Variants in DPP10 observed in about 807,000 individuals in gnomAD.
DPP10 encodes dipeptidyl peptidase like 10.
DPP10 carries 33 observed loss-of-function variants against 120.9 expected under a neutral mutation model. That is an observed-to-expected ratio of 0.27 (90% CI 0.21 to 0.37). The LOEUF (loss-of-function observed/expected upper bound fraction) is 0.37, where lower values mean the gene tolerates loss of function less well. Among genes scored for constraint, DPP10 ranks in the 10% least tolerant of loss-of-function variants. The pLI is 1.00. For synonymous variants in DPP10, 337 were observed against 326.1 expected (o/e 1.03, Z -0.36); for missense variants, 816 against 942.8 (o/e 0.87, Z 1.76).
intron 5 of DPP10, among the ~76,000 whole-genome samples, chr2:115,556,137 A>C (rs1387420688): frequency 1.3e-5 from 2 of 152,140 alleles, no homozygotes; most frequent in East Asian, 3.9e-4. Context: ...TTTTCTTTCT[A>C]ATGCTTTTTA....
intron 1 of DPP10, among the ~76,000 whole-genome samples, chr2:114,884,196 G>A (rs1691870600): frequency 6.6e-6 from 1 of 152,050 alleles, no homozygotes; most frequent in South Asian, 2.1e-4. Context: ...AAGGAAAAAG[G>A]GCCTCTACTG....
rs1677780037 is a variant in DPP10, at chr2:114,739,238, C to T, written c.60+296400C>T. Among the ~76,000 whole-genome samples, 4 of 152,266 alleles carry T rather than the reference C, an allele frequency of 2.6e-5. No individual in the cohort carries two copies. In the South Asian group the frequency reaches 8.3e-4, roughly 32 times the overall value. On this transcript the variant is annotated intron_variant, in intron 1 of 25. Transcript: ENST00000410059. ...TTTACGTGCAGGGGATTTTCTAACA[C>T]CTCTTTCAACCCCTTTTCCACCTAT...
At chr2:115,038,919 A>G (rs2105287532) in intron 1 of DPP10, among the ~76,000 whole-genome samples, 1 of 152,326 alleles carries the variant, frequency 6.6e-6, no homozygotes, top group Non-Finnish European at 1.5e-5. Flanking sequence ...TGGGACTCAG[A>G]TCACCGAAGC....
chr2:114,829,244 C>A, intron 1 of DPP10, among the ~76,000 whole-genome samples: 1 of 151,860 alleles, frequency 6.6e-6, no homozygotes, highest in East Asian at 1.9e-4. Flanking sequence ...GAGCCAAGAT[C>A]GAGCCACTGC....
chr2:115,264,252 A>G (rs1339294584), intron 1 of DPP10, among the ~76,000 whole-genome samples: 5 of 152,110 alleles, frequency 3.3e-5, no homozygotes, highest in Non-Finnish European at 4.4e-5. Context: ...AAATGATGCA[A>G]AATGTCAATT....
At chr2:114,655,598 G>T (rs1696910301) in intron 1 of DPP10, among the ~76,000 whole-genome samples, 1 of 151,978 alleles carries the variant, frequency 6.6e-6, no homozygotes, top group African/African-American at 2.4e-5. Context: ...GTGTTCTTTT[G>T]TTTATTTTCT....
rs369990796 is a variant in DPP10, at chr2:115,636,132, C to G, written c.442-53555C>G. 8.0e-5 allele frequency among the ~76,000 whole-genome samples: 12 copies of G among 150,068 alleles called. No homozygotes were observed. The East Asian group carries it at 2.0e-3, about 24-fold the overall frequency. Reference sequence around the variant, plus strand: ...TGGTATTCTTACCAAAAATGTTGACCTCAGTCTAATCGCAAAAAAAAAAAA... The same window carrying G: ...TGGTATTCTTACCAAAAATGTTGACGTCAGTCTAATCGCAAAAAAAAAAAA... On this transcript the variant is annotated intron_variant, in intron 5 of 25. Coordinates refer to ENST00000410059, the MANE Select transcript of DPP10 (RefSeq NM_020868.6).
intron 1 of DPP10, among the ~76,000 whole-genome samples, chr2:114,491,443 A>G (rs1052746131): frequency 6.6e-6 from 1 of 152,206 alleles, no homozygotes; most frequent in Non-Finnish European, 1.5e-5. Flanking sequence ...AAATCAGTCT[A>G]TAATTACTTC....
chr2:115,367,890 A>G (rs1044314598), intron 3 of DPP10, among the ~76,000 whole-genome samples: 2 of 152,028 alleles, frequency 1.3e-5, no homozygotes, highest in Admixed American at 1.3e-4. Flanking sequence ...TCATTATTCT[A>G]GGTTTTAGAT....
In DPP10 at chr2:115,045,106, T is replaced by C. The variant is rs75441508; in HGVS notation, c.61-264133T>C. On this transcript the variant is annotated intron_variant, in intron 1 of 25. Transcript: ENST00000410059. ...GAGTGCAGATATCTCTTCAGTATAC[T>C]GATGTCCTTTCTTTTGGGTACATAC... 5.0e-3 allele frequency among the ~76,000 whole-genome samples: 757 copies of C among 152,344 alleles called. 43 individuals carry two copies. The East Asian group carries it at 0.12, about 25-fold the overall frequency.
intron 3 of DPP10, among the ~76,000 whole-genome samples, chr2:115,461,702 G>T (rs1047166354): frequency 6.6e-6 from 1 of 152,078 alleles, no homozygotes; most frequent in Admixed American, 6.5e-5. Context: ...AAATAAAAAT[G>T]GTTTATTTTC....
intron 1 of DPP10, chr2:115,162,077 G>C (rs1482661402): frequency 3.4e-5 from 51 of 1,483,888 alleles, no homozygotes; most frequent in African/African-American, 4.4e-5. Flanking sequence ...GGTGGCTCCA[G>C]TGCGCGCTCC....
chr2:115,698,330 C>G (rs1253996357), intron 7 of DPP10, among the ~76,000 whole-genome samples: 1 of 152,118 alleles, frequency 6.6e-6, no homozygotes, highest in Non-Finnish European at 1.5e-5. Flanking sequence ...GAAAGCACAA[C>G]ATACCAAAAT....
At chr2:114,536,950 C>T (rs569634704) in intron 1 of DPP10, among the ~76,000 whole-genome samples, 1 of 152,282 alleles carries the variant, frequency 6.6e-6, no homozygotes, top group African/African-American at 2.4e-5. Context: ...ATTTCAAATA[C>T]ACTCCCAAAT....
intron 3 of DPP10, among the ~76,000 whole-genome samples, chr2:115,416,583 T>C (rs2069452315): frequency 6.6e-6 from 1 of 152,198 alleles, no homozygotes; most frequent in Non-Finnish European, 1.5e-5. Context: ...AGTTCTTAAC[T>C]ACTAAATTAA....
intron 1 of DPP10, among the ~76,000 whole-genome samples, chr2:114,751,207 C>G (rs1267729872): frequency 6.6e-6 from 1 of 152,190 alleles, no homozygotes; most frequent in African/African-American, 2.4e-5. Context: ...GTGACCTATA[C>G]AAATTATCAT....
intron 1 of DPP10, among the ~76,000 whole-genome samples, chr2:115,037,287 A>G (rs1031485255): frequency 6.6e-6 from 1 of 152,244 alleles, no homozygotes; most frequent in African/African-American, 2.4e-5. Context: ...AACAACGAAT[A>G]TACTAAAGTT....
intron 1 of DPP10, among the ~76,000 whole-genome samples, chr2:115,213,663 G>A (rs2056651592): frequency 6.6e-6 from 1 of 151,956 alleles, no homozygotes; most frequent in Admixed American, 6.6e-5. Context: ...CCTTGATTTT[G>A]CTTTTAGTTG....
chr2:115,138,041 A>T (rs1257498745), intron 1 of DPP10, among the ~76,000 whole-genome samples: 1 of 152,228 alleles, frequency 6.6e-6, no homozygotes, highest in Non-Finnish European at 1.5e-5. Context: ...ACACTGTATT[A>T]AGATGAATAT....
Sources: gnomAD v4.1 joint callset for allele counts (sites outside exome capture counted in the v4.1 genomes callset) on GRCh38, gnomAD v4.1.1 for gene constraint, MANE v1.5 for transcripts, NCBI Gene and HGNC (gene_info 2026-07-23, HGNC 2026-07-21) for gene names.